ARSB: variants seen among roughly 807,000 people sequenced by gnomAD.
ARSB encodes the protein arylsulfatase B.
Under a neutral mutation model 50.9 loss-of-function variants are expected in ARSB, and 41 were observed. That is an observed-to-expected ratio of 0.81 (90% CI 0.63 to 1.04). The LOEUF is 1.04. Ranked by LOEUF, ARSB falls within the 50% of genes least tolerant of loss-of-function variation. The probability of loss-of-function intolerance (pLI) is 0.00; values close to 1 mark genes in which losing one functional copy is unlikely to be tolerated. For missense variants in ARSB, 672 were observed against 693.3 expected, an observed-to-expected ratio of 0.97 and a Z score of 0.35; for synonymous variants, 269 against 284.8, an observed-to-expected ratio of 0.94 and a Z score of 0.56.
At chr5:78,873,857 C>G (rs1471835676) in intron 5 of ARSB, among the ~76,000 whole-genome samples, 1 of 152,168 alleles carries the variant, frequency 6.6e-6, no homozygotes, top group Non-Finnish European at 1.5e-5. Context: ...AGTGAAATAA[C>G]TCACTTTTAT....
chr5:78,960,843 G>A (rs1046712986), intron 3 of ARSB, among the ~76,000 whole-genome samples: 1 of 152,168 alleles, frequency 6.6e-6, no homozygotes, highest in Non-Finnish European at 1.5e-5. Flanking sequence ...GATTACAGGT[G>A]TGGGCCAGTG....
intron 5 of ARSB, among the ~76,000 whole-genome samples, chr5:78,858,708 A>T (rs1316126745): frequency 1.3e-5 from 2 of 152,184 alleles, no homozygotes; most frequent in Non-Finnish European, 2.9e-5. Context: ...GAAGAAAAAA[A>T]ATAACCCCAG....
chr5:78,964,379 CA>C (rs1386217268), intron 3 of ARSB, 36 bp downstream of exon 3: 1 of 1,590,062 alleles, frequency 6.3e-7, no homozygotes, highest in African/African-American at 1.3e-5. Context: ...ATTAGTGTAA[CA>C]AGATTTTGCT....
intron 5 of ARSB, among the ~76,000 whole-genome samples, chr5:78,845,467 A>G (rs570636248): frequency 7.9e-5 from 12 of 152,192 alleles, no homozygotes; most frequent in African/African-American, 2.2e-4. Context: ...GTTTTCCACA[A>G]TGGCTAGACT....
chr5:78,914,480 G>C (rs1749453978), intron 4 of ARSB, among the ~76,000 whole-genome samples: 1 of 152,078 alleles, frequency 6.6e-6, no homozygotes, highest in Non-Finnish European at 1.5e-5. Flanking sequence ...GTACTACCTT[G>C]TTTTACAGAG....
At chr5:78,978,200 G>T (rs519616) in intron 1 of ARSB, among the ~76,000 whole-genome samples, 54,009 of 151,758 alleles carry the variant, frequency 0.36, 10,448 homozygotes, top group Admixed American at 0.44. Flanking sequence ...CTAGGTAGGC[G>T]TGGTGGTGGG....
At position 78,837,009 on chromosome 5, in the gene ARSB, G is replaced by C. The variant is rs559332436; in HGVS notation, c.1213+2347C>G. ...TCACTCACTATCACAAGAACAGCAA[G>C]GGGGAATCCATGCCTATGATCCAGT... On this transcript the variant is annotated intron_variant, in intron 6 of 7. Transcript: ENST00000264914. 2.6e-5 allele frequency among the ~76,000 whole-genome samples: 4 copies of C among 152,258 alleles called. No individual in the cohort carries two copies. In the South Asian group the frequency reaches 8.3e-4, roughly 32 times the overall value.
Position 78,839,430 on chromosome 5 carries a change from G to T in ARSB, c.1143-4C>A, listed in dbSNP as rs371644454. On this transcript the variant is annotated splice_region_variant and splice_polypyrimidine_tract_variant and intron_variant, in intron 5 of 7. Coordinates refer to ENST00000264914, the MANE Select transcript of ARSB (RefSeq NM_000046.5). ...TCTGGGGGATGGGCTTCCTTCACTG[G>T]AAAACAATTTTTAAGGGAATGTTAA... 36 of 1,612,764 alleles carry T rather than the reference G, an allele frequency of 2.2e-5. No individual in the cohort carries two copies. Among genetic ancestry groups the T allele is most frequent in the African/African-American group, 2.1e-4 (16 of 74,974 alleles).
intron 6 of ARSB, among the ~76,000 whole-genome samples, chr5:78,802,703 T>A (rs1008657160): frequency 6.6e-6 from 1 of 152,148 alleles, no homozygotes; most frequent in Admixed American, 6.5e-5. Context: ...AGCACTCAAG[T>A]TCTTGAGGGG....
chr5:78,920,874 C>G (rs1227731383), intron 4 of ARSB, among the ~76,000 whole-genome samples: 1 of 152,156 alleles, frequency 6.6e-6, no homozygotes, highest in South Asian at 2.1e-4. Context: ...TCCCACCCTC[C>G]TTTCTAACTG....
chr5:78,953,351 G>A (rs1751566886), intron 4 of ARSB, among the ~76,000 whole-genome samples: 2 of 152,358 alleles, frequency 1.3e-5, no homozygotes, highest in South Asian at 4.1e-4. Context: ...CTGGCTGCAT[G>A]ACCTGGGGCA....
At chr5:78,974,614 C>T (rs1239455727) in intron 1 of ARSB, among the ~76,000 whole-genome samples, 2 of 152,234 alleles carry the variant, frequency 1.3e-5, no homozygotes, top group African/African-American at 4.8e-5. Context: ...CCTCGTAAAT[C>T]AAGCAACCAG....
At chr5:78,797,830 G>C (rs540515010) in intron 6 of ARSB, among the ~76,000 whole-genome samples, 1 of 152,268 alleles carries the variant, frequency 6.6e-6, no homozygotes, top group East Asian at 1.9e-4. Flanking sequence ...TGTATTTAAG[G>C]TGGAAAAAAT....
intron 4 of ARSB, among the ~76,000 whole-genome samples, chr5:78,942,793 G>T (rs1472843019): frequency 6.6e-6 from 1 of 152,140 alleles, no homozygotes; most frequent in Non-Finnish European, 1.5e-5. Flanking sequence ...ATGTCTATTA[G>T]GTCCGCTTGG....
intron 4 of ARSB, among the ~76,000 whole-genome samples, chr5:78,952,616 C>A (rs112359857): frequency 6.6e-6 from 1 of 152,132 alleles, no homozygotes; most frequent in Non-Finnish European, 1.5e-5. Context: ...GGATCACAAG[C>A]GTCAGCCACC....
intron 4 of ARSB, among the ~76,000 whole-genome samples, chr5:78,922,038 G>A (rs528453985): frequency 6.6e-6 from 1 of 152,120 alleles, no homozygotes; most frequent in Admixed American, 6.5e-5. Flanking sequence ...GGCCAGAGGG[G>A]ATCAACAATC....
chr5:78,977,728 T>C (rs2112558457), intron 1 of ARSB, among the ~76,000 whole-genome samples: 1 of 151,866 alleles, frequency 6.6e-6, no homozygotes, highest in African/African-American at 2.4e-5. Flanking sequence ...GGCAAGACAA[T>C]GAAATAAAAG....
At chr5:78,856,741 G>A (rs1289048708) in intron 5 of ARSB, among the ~76,000 whole-genome samples, 1 of 152,094 alleles carries the variant, frequency 6.6e-6, no homozygotes, top group African/African-American at 2.4e-5. Context: ...ACACATATAT[G>A]CATGTATTCA....
chr5:78,835,863 C>T (rs971805509), intron 6 of ARSB, among the ~76,000 whole-genome samples: 1 of 152,112 alleles, frequency 6.6e-6, no homozygotes, highest in Non-Finnish European at 1.5e-5. Context: ...GGAGGTGGAA[C>T]GCTACCTTCT....
Sources: allele counts gnomAD v4.1 joint callset (sites outside exome capture counted in the v4.1 genomes callset), GRCh38; gene constraint gnomAD v4.1.1; transcripts MANE v1.5; gene names NCBI Gene and HGNC (gene_info 2026-07-23, HGNC 2026-07-21).